Variants in STAG1 observed in about 807,000 individuals in gnomAD.
STAG1 encodes cohesin subunit SA-1.
A neutral mutation model predicts 170.9 loss-of-function variants in STAG1; 26 were observed. The observed-to-expected ratio is 0.15, with a 90% CI of 0.11 to 0.21. The LOEUF (loss-of-function observed/expected upper bound fraction) is 0.21, where lower values mean the gene tolerates loss of function less well. STAG1 is among the 10% of genes least tolerant of loss of function. The pLI, the probability that STAG1 is intolerant of heterozygous loss-of-function variation, is 1.00. For synonymous variants in STAG1, 514 were observed against 497.7 expected (o/e 1.03, Z -0.44); for missense variants, 964 against 1,509.5 (o/e 0.64, Z 5.99).
At chr3:136,659,314 A>G (rs528804394) in intron 1 of STAG1, among the ~76,000 whole-genome samples, 1 of 152,336 alleles carries the variant, frequency 6.6e-6, no homozygotes, top group East Asian at 1.9e-4. Context: ...ACAGTAATAT[A>G]AGTGTTAAAT....
chr3:136,595,291 C>G (rs1340938605), intron 4 of STAG1, among the ~76,000 whole-genome samples: 2 of 152,174 alleles, frequency 1.3e-5, no homozygotes, highest in Non-Finnish European at 2.9e-5. Flanking sequence ...TATATTCACA[C>G]AAACTTTCAG....
At chr3:136,590,538 G>A (rs1381723641) in intron 4 of STAG1, among the ~76,000 whole-genome samples, 1 of 151,708 alleles carries the variant, frequency 6.6e-6, no homozygotes, top group Non-Finnish European at 1.5e-5. Flanking sequence ...CTAAAAGACT[G>A]GGAGAAATGC....
At chr3:136,522,105 T>C (rs1422761081) in intron 6 of STAG1, among the ~76,000 whole-genome samples, 2 of 152,196 alleles carry the variant, frequency 1.3e-5, no homozygotes, top group Admixed American at 1.3e-4. Context: ...GACACTTAAG[T>C]ACAGAAATGG....
intron 23 of STAG1, among the ~76,000 whole-genome samples, chr3:136,370,964 T>G (rs1206556300): frequency 6.6e-6 from 1 of 152,230 alleles, no homozygotes; most frequent in South Asian, 2.1e-4. Flanking sequence ...TGAACTAGTT[T>G]ATAGTCCCAC....
chr3:136,750,136 T>C (rs939979524), intron 1 of STAG1, among the ~76,000 whole-genome samples: 1 of 152,196 alleles, frequency 6.6e-6, no homozygotes, highest in Admixed American at 6.5e-5. Flanking sequence ...ATGTGTGTTT[T>C]TCACAGACAT....
At chr3:136,509,106 T>G (rs1468905218) in intron 7 of STAG1, among the ~76,000 whole-genome samples, 2 of 152,222 alleles carry the variant, frequency 1.3e-5, no homozygotes, top group African/African-American at 4.8e-5. Flanking sequence ...AGGGATCAGA[T>G]TCACAGTACA....
intron 9 of STAG1, among the ~76,000 whole-genome samples, chr3:136,495,871 AG>A (rs1200639918): frequency 3.3e-5 from 5 of 149,964 alleles, no homozygotes; most frequent in African/African-American, 1.2e-4. Flanking sequence ...CGGGAGGCTG[AG>A]GCAGGAGAAT....
At chr3:136,366,913 A>G (rs745363215) in intron 25 of STAG1, 30 bp downstream of exon 25, 6 of 1,527,100 alleles carry the variant, frequency 3.9e-6, no homozygotes, top group Middle Eastern at 3.7e-4. Flanking sequence ...CAGTTAGAGG[A>G]AGGAGAAAAA....
At chr3:136,540,549 T>G (rs1016563221) in intron 6 of STAG1, among the ~76,000 whole-genome samples, 3 of 152,058 alleles carry the variant, frequency 2.0e-5, no homozygotes, top group Admixed American at 1.3e-4. Context: ...TGGCCAGGCA[T>G]GGTGGCTCAT....
chr3:136,479,210 A>G (rs1384135254), intron 9 of STAG1, among the ~76,000 whole-genome samples: 1 of 140,814 alleles, frequency 7.1e-6, no homozygotes, highest in African/African-American at 2.6e-5. Flanking sequence ...TATATCTCCC[A>G]ATGCTATCCC....
chr3:136,378,854 T>C (rs1937764680), intron 22 of STAG1, among the ~76,000 whole-genome samples: 1 of 152,138 alleles, frequency 6.6e-6, no homozygotes, highest in South Asian at 2.1e-4. Flanking sequence ...CACATGCAGA[T>C]ACCAACATTT....
At chr3:136,610,997 G>C (rs552516928) in intron 3 of STAG1, among the ~76,000 whole-genome samples, 1 of 151,994 alleles carries the variant, frequency 6.6e-6, no homozygotes, top group South Asian at 2.1e-4. Context: ...GAAATGCTTG[G>C]AACAAGAAGT....
intron 5 of STAG1, among the ~76,000 whole-genome samples, chr3:136,545,813 C>T (rs964332093): frequency 5.9e-5 from 9 of 152,076 alleles, no homozygotes; most frequent in African/African-American, 1.7e-4. Context: ...GATTACATCT[C>T]CAATGATGAG....
At chr3:136,579,929 A>T (rs1332546823) in intron 4 of STAG1, among the ~76,000 whole-genome samples, 1 of 136,478 alleles carries the variant, frequency 7.3e-6, no homozygotes, top group Non-Finnish European at 1.6e-5. Context: ...AGAACAGGGG[A>T]TTGCTATTTT....
intron 1 of STAG1, among the ~76,000 whole-genome samples, chr3:136,732,904 G>A (rs9289513): frequency 4.6e-5 from 7 of 151,876 alleles, no homozygotes; most frequent in Non-Finnish European, 8.8e-5. Flanking sequence ...CACCACGCTC[G>A]GCCTCATTAA....
rs142401892 is a variant in STAG1, at chr3:136,461,517, A to G, written c.1313+3364T>C. 7.9e-5 allele frequency among the ~76,000 whole-genome samples: 12 copies of G among 152,224 alleles called. No homozygotes were observed. The South Asian group carries it at 1.5e-3, about 18-fold the overall frequency. ...ATAAAAATCAGTAGCATTCTTGTAC[A>G]GCAAAAGTGAACAATCTGAAAAAGA... On this transcript the variant is annotated intron_variant, in intron 13 of 33. Transcript: ENST00000383202.
At chr3:136,653,328 C>T (rs1487202614) in intron 1 of STAG1, among the ~76,000 whole-genome samples, 1 of 151,066 alleles carries the variant, frequency 6.6e-6, no homozygotes, top group Non-Finnish European at 1.5e-5. Context: ...ATAATGAGTA[C>T]TATGCAGGAA....
At chr3:136,403,884 C>A (rs1332348552) in intron 21 of STAG1, among the ~76,000 whole-genome samples, 1 of 152,124 alleles carries the variant, frequency 6.6e-6, no homozygotes, top group Non-Finnish European at 1.5e-5. Context: ...CATTGGTATT[C>A]CTTTTAAGTT....
chr3:136,751,550 G>T (rs947862218), intron 1 of STAG1, among the ~76,000 whole-genome samples: 137 of 152,164 alleles, frequency 9.0e-4, no homozygotes, highest in African/African-American at 3.2e-3. Context: ...GGCTGAGAGG[G>T]CAGATAGCTG....
Sources: allele counts gnomAD v4.1 joint callset (sites outside exome capture counted in the v4.1 genomes callset), GRCh38; gene constraint gnomAD v4.1.1; transcripts MANE v1.5; gene names NCBI Gene and HGNC (gene_info 2026-07-23, HGNC 2026-07-21).